The following IDO2 variants were observed in gnomAD, a reference collection of about 807,000 sequenced individuals.
IDO2 encodes the protein indoleamine 2,3-dioxygenase 2, also known as indoleamine 2,3-dioxygenase-like 1 protein.
In IDO2, 46 loss-of-function variants were observed where a neutral mutation model predicts 45.1. The ratio of observed to expected loss-of-function variants is 1.02; its 90% CI spans 0.80 to 1.30. The LOEUF is 1.30. Ranked by LOEUF, IDO2 falls within the 50% of genes most tolerant of loss-of-function variation. The probability of loss-of-function intolerance (pLI) is 0.00; values close to 1 mark genes in which losing one functional copy is unlikely to be tolerated. For missense variants in IDO2, 544 were observed against 491.8 expected, an observed-to-expected ratio of 1.11 and a Z score of -1.00; for synonymous variants, 218 against 184.9, an observed-to-expected ratio of 1.18 and a Z score of -1.45.
intron 2 of IDO2, among the ~76,000 whole-genome samples, chr8:39,957,953 TG>T (rs2129593651): frequency 6.6e-6 from 1 of 152,368 alleles, no homozygotes; most frequent in South Asian, 2.1e-4. Context: ...TCACCCAGGC[TG>T]GAGTGCAGTG....
chr8:39,965,023 T>C (rs965591624), intron 3 of IDO2, among the ~76,000 whole-genome samples: 1 of 152,234 alleles, frequency 6.6e-6, no homozygotes, highest in Non-Finnish European at 1.5e-5. Context: ...TTGTGAATTA[T>C]GAGGTCGTCT....
chr8:39,976,590 G>C (rs1185916824), intron 3 of IDO2, among the ~76,000 whole-genome samples: 3 of 152,152 alleles, frequency 2.0e-5, no homozygotes, highest in Non-Finnish European at 2.9e-5. Context: ...GCATTTCAAA[G>C]TGTTCAGCAG....
chr8:39,983,921 G>A (rs1462095715), intron 5 of IDO2, among the ~76,000 whole-genome samples: 3 of 151,944 alleles, frequency 2.0e-5, no homozygotes, highest in Middle Eastern at 3.2e-3. Flanking sequence ...CATCTCTCTC[G>A]GGAGCTCTGA....
chr8:39,956,243 G>A (rs1807889479), intron 2 of IDO2, among the ~76,000 whole-genome samples: 1 of 151,852 alleles, frequency 6.6e-6, no homozygotes, highest in South Asian at 2.1e-4. Context: ...ATCCTTTTTA[G>A]TAAAGACGGG....
chr8:39,960,362 C>T (rs1357254017), intron 2 of IDO2, among the ~76,000 whole-genome samples: 1 of 152,066 alleles, frequency 6.6e-6, no homozygotes, highest in East Asian at 1.9e-4. Context: ...TCCATTCTGG[C>T]TCTCTCTCTC....
rs1748241945 is a variant in IDO2, at chr8:40,005,367, CTT to C, written c.710_711del (p.Phe237SerfsTer17). On this transcript the variant is annotated frameshift_variant, in exon 9 of 11. Transcript: ENST00000502986. LOFTEE classifies it high-confidence loss of function. ...ACATATTTTATGCAGGCATCCGGAT[CTT>C]TCTCTCTGGGTAAGTATAGTTCAGT... 24 of 1,570,024 alleles carry C rather than the reference CTT, an allele frequency of 1.5e-5. No individual in the cohort carries two copies. Among genetic ancestry groups the C allele is most frequent in the Non-Finnish European group, 2.0e-5 (23 of 1,151,712 alleles).
chr8:39,982,025 C>T (rs1276998256), intron 4 of IDO2, among the ~76,000 whole-genome samples: 1 of 152,096 alleles, frequency 6.6e-6, no homozygotes, highest in Non-Finnish European at 1.5e-5. Flanking sequence ...CTGAGGCAGT[C>T]TGTCCTCATG....
chr8:39,966,966 G>A (rs1487061867), intron 3 of IDO2, among the ~76,000 whole-genome samples: 1 of 152,082 alleles, frequency 6.6e-6, no homozygotes, highest in Non-Finnish European at 1.5e-5. Context: ...CCAGTATATT[G>A]CCTTCCTAAA....
At chr8:39,982,748 T>C (rs1236250549) in exon 5 of IDO2, 1 of 1,603,392 alleles carries the variant, frequency 6.2e-7, no homozygotes, top group Non-Finnish European at 8.5e-7. Flanking sequence ...GCTGACGAAC[T>C]GGACCAAAAA....
chr8:39,989,796 C>T, exon 8 of IDO2: 1 of 1,604,520 alleles, frequency 6.2e-7, no homozygotes, highest in Non-Finnish European at 8.5e-7. Context: ...GCGACTGAGA[C>T]TGTCTATTCA....
At chr8:39,970,638 C>T (rs1447912591) in intron 3 of IDO2, among the ~76,000 whole-genome samples, 11 of 152,204 alleles carry the variant, frequency 7.2e-5, no homozygotes, top group South Asian at 2.1e-4. Context: ...GTGATCCACC[C>T]GCCTTGGCCT....
chr8:40,013,301 A>C (rs1454857950), intron 9 of IDO2, among the ~76,000 whole-genome samples: 4 of 152,158 alleles, frequency 2.6e-5, no homozygotes, highest in Non-Finnish European at 5.9e-5. Flanking sequence ...GACCTGTGCC[A>C]CAAATTCCTC....
chr8:39,999,434 ACG>A (rs1802103135), intron 8 of IDO2, among the ~76,000 whole-genome samples: 1 of 151,898 alleles, frequency 6.6e-6, no homozygotes, highest in Non-Finnish European at 1.5e-5. Context: ...ACCTGCCAAC[ACG>A]CCAGGCTAAT....
At chr8:39,979,348 A>T (rs929934059) in intron 4 of IDO2, among the ~76,000 whole-genome samples, 162 bp downstream of exon 4, 20 of 150,580 alleles carry the variant, frequency 1.3e-4, no homozygotes, top group African/African-American at 4.9e-4. Context: ...TTTATTATTT[A>T]TTATTATTAT....
At chr8:39,946,293 C>T (rs1441502823) in intron 1 of IDO2, among the ~76,000 whole-genome samples, 5 of 152,212 alleles carry the variant, frequency 3.3e-5, no homozygotes, top group African/African-American at 1.2e-4. Flanking sequence ...CGCTGGCCTC[C>T]CTCAGGCCAC....
intron 9 of IDO2, among the ~76,000 whole-genome samples, chr8:40,010,311 G>A (rs1338567527): frequency 6.6e-6 from 1 of 152,144 alleles, no homozygotes; most frequent in Non-Finnish European, 1.5e-5. Context: ...GTTGGTCGTG[G>A]TGGAAGAGCT....
intron 3 of IDO2, among the ~76,000 whole-genome samples, chr8:39,977,227 T>C (rs2129594299): frequency 6.6e-6 from 1 of 152,272 alleles, no homozygotes; most frequent in African/African-American, 2.4e-5. Context: ...GTGAAAGATA[T>C]TTGAATTGAT....
rs543263512 is a variant in IDO2, at chr8:40,009,953, C to T, written c.720-3612C>T. ...TTATCACATATTTAGTGAGTGCCTA[C>T]CCCATGTCAGTTCTAGGTGCTGGAA... On this transcript the variant is annotated intron_variant, in intron 9 of 10. Coordinates refer to ENST00000502986, the Ensembl canonical transcript of IDO2. 1.4e-4 allele frequency among the ~76,000 whole-genome samples: 21 copies of T among 152,194 alleles called. 2 individuals carry two copies. The South Asian group carries it at 4.4e-3, about 32-fold the overall frequency.
chr8:40,015,177 A>G lies in IDO2; in HGVS notation c.869-70A>G, dbSNP rs532591696. ...CTAGAGAAAAAAAAAATAAAAAAGA[A>G]GAAGAAGCAGACGAGCTCTGCTATA... On this transcript the variant is annotated intron_variant, in intron 10 of 10. Transcript: ENST00000502986. 5.3e-6 allele frequency: 5 copies of G among 935,546 alleles called. No homozygotes were observed. The African/African-American group carries it at 6.6e-5, about 12-fold the overall frequency. 58.0% of individuals were successfully genotyped at this position (935,546 alleles called of 1,614,324 possible). A position where few individuals can be genotyped will look rare whatever the true frequency, so the allele number is the denominator to read the frequency against.
Sources: gnomAD v4.1 joint callset for allele counts (sites outside exome capture counted in the v4.1 genomes callset) on GRCh38, gnomAD v4.1.1 for gene constraint, MANE v1.5 for transcripts, NCBI Gene and HGNC (gene_info 2026-07-23, HGNC 2026-07-21) for gene names.